The following DNAH9 variants were observed in gnomAD, a reference collection of about 807,000 sequenced individuals.
DNAH9 encodes the protein dynein axonemal heavy chain 9.
DNAH9 carries 345 observed loss-of-function variants against 471.6 expected under a neutral mutation model. That is an observed-to-expected ratio of 0.73 (90% CI 0.67 to 0.80). DNAH9 has a LOEUF of 0.80. Ranked by LOEUF, DNAH9 falls within the 30% of genes least tolerant of loss-of-function variation. The pLI, the probability that DNAH9 is intolerant of heterozygous loss-of-function variation, is 0.00. For missense variants in DNAH9, 5,407 were observed against 5,609.2 expected, an observed-to-expected ratio of 0.96 and a Z score of 1.15; for synonymous variants, 2,093 against 2,123.6, an observed-to-expected ratio of 0.99 and a Z score of 0.40.
In DNAH9 at chr17:11,881,310, C is replaced by T; in HGVS notation, c.10703C>T (p.Ala3568Val). 4.3e-6 allele frequency: 7 copies of T among 1,614,158 alleles called. No homozygotes were observed. The highest frequency in any genetic ancestry group is 5.9e-6 in the Non-Finnish European group (7 of 1,179,998). The change falls in exon 55 of 69, where the codon GCT (alanine) becomes GTT (valine). Residue 3568 changes from alanine (A) to valine (V), a missense_variant. Physicochemically the swap from Ala to Val is moderately conservative, Grantham distance 64 (BLOSUM62 0). Transcript: ENST00000262442. Reference protein sequence around the residue: ...ANPHYQPELQAQATLINFTVT... With the variant: ...ANPHYQPELQVQATLINFTVT... ...CCTCACTACCAGCCTGAGCTGCAGG[C>T]TCAGGCCACCCTGATCAACTTCACC...
chr17:11,934,016 C>G lies in DNAH9; in HGVS notation c.12434C>G (p.Ser4145Cys). Residue 4145 changes from serine to cysteine, a missense_variant, in exon 65 of 69, where the codon TCT becomes TGT. Ser to Cys is a moderately radical substitution (Grantham distance 112). Transcript: ENST00000262442. ...CCAGAAATGTTAGAAGGAGAACTGT[C>G]TTTGGCCCCAGGGTTCCCACTCCCA... The part of the protein sequence containing the change: ...IRPEMLEGEL[S>C]LAPGFPLPGN... 6.2e-7 allele frequency: 1 copy of G among 1,614,186 alleles called. No individual in the cohort carries two copies.
chr17:11,694,180 A>G (rs1321678998), intron 21 of DNAH9, 141 bp from the exon 22 acceptor site: 1 of 1,206,260 alleles, frequency 8.3e-7, no homozygotes, highest in East Asian at 2.4e-5. Context: ...ACATCCATGT[A>G]TATCTTTGCA....
At chr17:11,910,948 T>A (rs1278802229) in intron 61 of DNAH9, among the ~76,000 whole-genome samples, 1 of 152,222 alleles carries the variant, frequency 6.6e-6, no homozygotes, top group Non-Finnish European at 1.5e-5. Context: ...ACAAGTTTCT[T>A]ATCAGATATA....
Position 11,962,006 on chromosome 17 carries a change from T to C in DNAH9, c.12983T>C (p.Ile4328Thr), listed in dbSNP as rs1224651902. Residue 4328 changes from isoleucine (I) to threonine (T), a missense_variant, in exon 68 of 69, where the codon ATC becomes ACC. Around this residue, in one of 3 missense-constraint regions of DNAH9, gnomAD observed 4,636 missense variants for 4,900.3 expected, o/e 0.95. Transcript: ENST00000262442. This position sits in a 1 kb window ranked among gnomAD's most constrained non-coding sequence, Gnocchi z 4.1. The stretch of plus-strand genomic sequence containing the variant: ...TGGTTTCCAGACCTCCTCAACAGAA[T>C]CAAGGAGCTAGAGGCTTGGACGGGT... ...AAWFPDLLNR[I>T]KELEAWTGDF... 3.1e-6 allele frequency: 5 copies of C among 1,614,142 alleles called. No homozygotes were observed. The highest frequency in any genetic ancestry group is 4.2e-6 in the Non-Finnish European group (5 of 1,180,012).
chr17:11,797,160 G>T (rs916524442), intron 42 of DNAH9, among the ~76,000 whole-genome samples: 5 of 152,186 alleles, frequency 3.3e-5, no homozygotes, highest in African/African-American at 1.2e-4. Context: ...CACAGGAAAA[G>T]ATGTTGGATG....
intron 35 of DNAH9, among the ~76,000 whole-genome samples, chr17:11,757,965 G>A (rs978948435): frequency 6.6e-6 from 1 of 152,160 alleles, no homozygotes; most frequent in African/African-American, 2.4e-5. Context: ...AGGAGGCTGC[G>A]GGTTGTAGTA....
intron 46 of DNAH9, among the ~76,000 whole-genome samples, 160 bp from the exon 47 acceptor site, chr17:11,822,278 G>T (rs970004088): frequency 6.6e-6 from 1 of 152,172 alleles, no homozygotes; most frequent in Admixed American, 6.5e-5. Context: ...CAGCGTTTTT[G>T]ATCTCTTGGC....
At chr17:11,652,033 T>C (rs892670066) in intron 13 of DNAH9, among the ~76,000 whole-genome samples, 1 of 152,158 alleles carries the variant, frequency 6.6e-6, no homozygotes, top group East Asian at 1.9e-4. Context: ...ATGAAAGTCT[T>C]AGAATGCCAT....
In DNAH9 at chr17:11,902,928, G is replaced by A. The variant is rs528120022; in HGVS notation, c.11600+16G>A. ...ATGCTTTGCGGTAGGAAACAGGGTG[G>A]TGGAAGGCCCAGCATAGGCATGGGG... On this transcript the variant is annotated intron_variant, in intron 60 of 68. Coordinates refer to ENST00000262442, the MANE Select transcript of DNAH9 (RefSeq NM_001372.4). The A allele has an allele frequency of 3.1e-6, 5 of 1,609,488 alleles. 1 individual carries two copies. The African/African-American group carries it at 5.3e-5, about 17-fold the overall frequency.
intron 28 of DNAH9, among the ~76,000 whole-genome samples, chr17:11,734,487 A>G (rs1475099296): frequency 1.3e-5 from 2 of 152,212 alleles, no homozygotes; most frequent in Non-Finnish European, 2.9e-5. Context: ...AGACTGAAAA[A>G]TGAGGAAAAC....
Position 11,656,408 on chromosome 17 carries a change from ATTGT to A in DNAH9, c.2595+3412_2595+3415del, listed in dbSNP as rs1376359887. Among the ~76,000 whole-genome samples the A allele has an allele frequency of 5.3e-5, 8 of 151,644 alleles. No homozygotes were observed. In the East Asian group the frequency reaches 9.7e-4, roughly 18 times the overall value. On this transcript the variant is annotated intron_variant, in intron 14 of 68. Transcript: ENST00000262442. Reference sequence around the variant, plus strand: ...CATCTTTAGCCCACTTTTTGATGGGATTGTTTGTTCTTTTCTTGCTGATTTGCTA... The same window carrying A: ...CATCTTTAGCCCACTTTTTGATGGGATTGTTCTTTTCTTGCTGATTTGCTA...
chr17:11,740,263 AT>A (rs1432100021), intron 29 of DNAH9, among the ~76,000 whole-genome samples: 2 of 152,200 alleles, frequency 1.3e-5, no homozygotes, highest in East Asian at 3.9e-4. Context: ...TTCTTGCTGA[AT>A]TTTTTTGCTG....
chr17:11,644,335 G>A lies in DNAH9; in HGVS notation c.1902-296G>A, dbSNP rs28683788. ...TTTCCCTTTTATTCAGATTTTTGAA[G>A]GACCTCACATACCTTGTGTGTGACT... On this transcript the variant is annotated intron_variant, in intron 10 of 68. Coordinates refer to ENST00000262442, the MANE Select transcript of DNAH9 (RefSeq NM_001372.4). Among the ~76,000 whole-genome samples the A allele has an allele frequency of 7.1e-3, 1,082 of 152,218 alleles. 12 individuals are homozygous for A. The highest frequency in any genetic ancestry group is 0.024 in the African/African-American group (996 of 41,518).
intron 48 of DNAH9, among the ~76,000 whole-genome samples, chr17:11,830,961 A>G (rs754830428): frequency 3.3e-5 from 5 of 152,232 alleles, no homozygotes; most frequent in Non-Finnish European, 7.3e-5. Context: ...AACTTAAACT[A>G]AGTTACCAGA....
At position 11,768,646 on chromosome 17, in the gene DNAH9, C is replaced by T. The variant is rs544126048; in HGVS notation, c.7344+20C>T. 210 of 1,608,876 alleles carry T rather than the reference C, an allele frequency of 1.3e-4. No individual in the cohort carries two copies. The South Asian group carries it at 2.0e-3, about 15-fold the overall frequency. ...TTGCAGGTGAGTGCAGCTGAGCAGC[C>T]GAGGACGTGCGTGCAGTTGCCCTCA... On this transcript the variant is annotated intron_variant, in intron 37 of 68. Transcript: ENST00000262442.
intron 59 of DNAH9, 137 bp downstream of exon 59, chr17:11,894,633 C>A: frequency 8.8e-7 from 1 of 1,130,772 alleles, no homozygotes; most frequent in Non-Finnish European, 1.2e-6. Context: ...GCATCCCTTT[C>A]CTTGCGTCCC....
intron 26 of DNAH9, among the ~76,000 whole-genome samples, chr17:11,706,983 A>G (rs1312462942): frequency 6.6e-6 from 1 of 152,226 alleles, no homozygotes; most frequent in Non-Finnish European, 1.5e-5. Context: ...GTGATAAACT[A>G]TTGAGAAATT....
At chr17:11,856,257 CATG>C (rs1483225814) in intron 50 of DNAH9, among the ~76,000 whole-genome samples, 3 of 152,064 alleles carry the variant, frequency 2.0e-5, no homozygotes, top group Non-Finnish European at 4.4e-5. Flanking sequence ...ACAAATTTGT[CATG>C]ATGATAAGGA....
chr17:11,806,554 T>C (rs1448211564), intron 43 of DNAH9, among the ~76,000 whole-genome samples: 1 of 151,916 alleles, frequency 6.6e-6, no homozygotes, highest in Admixed American at 6.6e-5. Flanking sequence ...CACAGTATAT[T>C]GCTAAATGAA....
Sources: gnomAD v4.1 joint callset for allele counts (sites outside exome capture counted in the v4.1 genomes callset) on GRCh38, gnomAD v4.1.1 for gene constraint, gnomAD v4.1.1 regional missense constraint, Gnocchi (gnomAD v3.1) non-coding constraint, MANE v1.5 for transcripts, NCBI Gene and HGNC (gene_info 2026-07-23, HGNC 2026-07-21) for gene names.